DLG2: variants seen among roughly 807,000 people sequenced by gnomAD.
DLG2 encodes discs large MAGUK scaffold protein 2, also known as disks large homolog 2.
Under a neutral mutation model 132.5 loss-of-function variants are expected in DLG2, and 45 were observed. That is an observed-to-expected ratio of 0.34 (90% CI 0.27 to 0.44). DLG2 has a LOEUF of 0.44. Among genes scored for constraint, DLG2 ranks in the 20% least tolerant of loss-of-function variants. The pLI is 1.00. For synonymous variants in DLG2, 424 were observed against 419.6 expected, an observed-to-expected ratio of 1.01 and a Z score of -0.13; for missense variants, 1,045 against 1,196.9, an observed-to-expected ratio of 0.87 and a Z score of 1.87.
At chr11:84,169,673 G>A (rs2095768387) in intron 8 of DLG2, among the ~76,000 whole-genome samples, 1 of 141,648 alleles carries the variant, frequency 7.1e-6, no homozygotes, top group African/African-American at 2.6e-5. Context: ...AGGAGTTCAT[G>A]ATCAGTATAG....
chr11:85,206,980 T>C (rs2081941558), intron 4 of DLG2, among the ~76,000 whole-genome samples: 1 of 152,206 alleles, frequency 6.6e-6, no homozygotes, highest in Non-Finnish European at 1.5e-5. Context: ...ACACTTACCA[T>C]AGTTCTAATG....
intron 10 of DLG2, among the ~76,000 whole-genome samples, chr11:84,093,667 T>C (rs752632512): frequency 9.2e-5 from 14 of 152,112 alleles, no homozygotes; most frequent in Non-Finnish European, 1.3e-4. Flanking sequence ...CAGGCTGGAG[T>C]GCAGTGGTAC....
chr11:85,392,269 T>G (rs2086863975), intron 3 of DLG2, among the ~76,000 whole-genome samples: 1 of 152,146 alleles, frequency 6.6e-6, no homozygotes, highest in African/African-American at 2.4e-5. Context: ...TACAAAACAT[T>G]GCTGTAAGAA....
intron 6 of DLG2, among the ~76,000 whole-genome samples, chr11:84,739,524 T>C (rs2064309585): frequency 6.6e-6 from 1 of 152,170 alleles, no homozygotes; most frequent in African/African-American, 2.4e-5. Flanking sequence ...TTAAAAAATA[T>C]TTTATATCAC....
At chr11:84,497,190 C>T (rs1237287663) in intron 7 of DLG2, among the ~76,000 whole-genome samples, 1 of 152,110 alleles carries the variant, frequency 6.6e-6, no homozygotes, top group Non-Finnish European at 1.5e-5. Context: ...GTGTCCCTTC[C>T]TCCCTCTTCC....
At chr11:84,534,828 G>A (rs2099351475) in intron 6 of DLG2, 97 bp from the exon 7 acceptor site, 3 of 1,373,072 alleles carry the variant, frequency 2.2e-6, no homozygotes, top group Non-Finnish European at 3.1e-6. Context: ...ATAGGACACA[G>A]TGTGCACCTA....
chr11:83,850,732 T>C (rs1211554467), intron 16 of DLG2, among the ~76,000 whole-genome samples: 2 of 152,156 alleles, frequency 1.3e-5, no homozygotes, highest in African/African-American at 2.4e-5. Flanking sequence ...TATTTGCATA[T>C]ACTTTCTTCA....
intron 6 of DLG2, among the ~76,000 whole-genome samples, chr11:84,820,489 A>T (rs2077548131): frequency 6.6e-6 from 1 of 151,828 alleles, no homozygotes; most frequent in South Asian, 2.1e-4. Flanking sequence ...ATACAGGAAA[A>T]ATCCCCTGGA....
chr11:84,031,390 C>T (rs894831287), intron 11 of DLG2, among the ~76,000 whole-genome samples: 1 of 152,026 alleles, frequency 6.6e-6, no homozygotes, highest in African/African-American at 2.4e-5. Flanking sequence ...TTTTATTTTG[C>T]ATTTGACCGT....
intron 6 of DLG2, among the ~76,000 whole-genome samples, chr11:85,001,627 G>A (rs998133261): frequency 5.3e-5 from 8 of 152,174 alleles, no homozygotes; most frequent in African/African-American, 1.9e-4. Context: ...TAAATGGGAA[G>A]AGCACAGAGG....
At chr11:85,004,706 C>A (rs2058497813) in intron 6 of DLG2, among the ~76,000 whole-genome samples, 1 of 152,078 alleles carries the variant, frequency 6.6e-6, no homozygotes, top group East Asian at 1.9e-4. Context: ...AATTATTTTG[C>A]TATGCAGAAG....
chr11:84,839,211 A>T (rs1280425166), intron 6 of DLG2, among the ~76,000 whole-genome samples: 1 of 152,154 alleles, frequency 6.6e-6, no homozygotes, highest in East Asian at 1.9e-4. Flanking sequence ...AGACAAACAG[A>T]GAGCTGAATC....
chr11:85,134,765 G>A (rs907770733), intron 5 of DLG2, among the ~76,000 whole-genome samples: 8 of 151,884 alleles, frequency 5.3e-5, no homozygotes, highest in African/African-American at 1.2e-4. Flanking sequence ...AATCAAATAC[G>A]TGTTCTGAGG....
intron 4 of DLG2, among the ~76,000 whole-genome samples, chr11:85,201,429 G>A (rs1183854562): frequency 2.6e-5 from 4 of 151,832 alleles, no homozygotes; most frequent in Non-Finnish European, 2.9e-5. Flanking sequence ...CTAGGTCCCT[G>A]GCCAGCTTTC....
Position 83,879,520 on chromosome 11 carries a change from T to C in DLG2, c.1497-5032A>G, listed in dbSNP as rs183940788. 3.6e-4 allele frequency among the ~76,000 whole-genome samples: 55 copies of C among 152,316 alleles called. 2 individuals are homozygous for C. Among genetic ancestry groups the C allele is most frequent in the Middle Eastern group, 3.4e-3 (1 of 294 alleles). On this transcript the variant is annotated intron_variant, in intron 15 of 27. Transcript: ENST00000376104. The stretch of plus-strand genomic sequence containing the variant: ...TCTTCTCTTTTTCTGTCTACTTTCC[T>C]TCTCTCTTAATATAGCGCATGCATT...
intron 10 of DLG2, among the ~76,000 whole-genome samples, chr11:84,085,616 G>A (rs571657467): frequency 6.6e-6 from 1 of 152,314 alleles, no homozygotes; most frequent in South Asian, 2.1e-4. Context: ...CTAGTTAGTG[G>A]CAGAGATTCC....
chr11:85,495,024 G>A (rs2093640078), intron 3 of DLG2, among the ~76,000 whole-genome samples: 1 of 152,020 alleles, frequency 6.6e-6, no homozygotes, highest in Non-Finnish European at 1.5e-5. Context: ...TGTTACAATA[G>A]TGGTCAAGAG....
At chr11:84,552,702 G>C (rs895861235) in intron 6 of DLG2, among the ~76,000 whole-genome samples, 3 of 152,152 alleles carry the variant, frequency 2.0e-5, no homozygotes, top group African/African-American at 7.2e-5. Context: ...ACCTGTGCCA[G>C]GTATTCAGTG....
At chr11:85,438,746 G>A (rs773840371) in intron 3 of DLG2, among the ~76,000 whole-genome samples, 4 of 151,988 alleles carry the variant, frequency 2.6e-5, no homozygotes, top group Admixed American at 1.3e-4. Context: ...TATCATGTAC[G>A]TAGGTTCCAG....
Sources: allele counts gnomAD v4.1 joint callset (sites outside exome capture counted in the v4.1 genomes callset), GRCh38; gene constraint gnomAD v4.1.1; transcripts MANE v1.5; gene names NCBI Gene and HGNC (gene_info 2026-07-23, HGNC 2026-07-21).